Variants in MYRIP observed in about 807,000 individuals in gnomAD.
MYRIP encodes myosin VIIA and Rab interacting protein, also known as rab effector MyRIP.
Under a neutral mutation model 98.0 loss-of-function variants are expected in MYRIP, and 49 were observed. The ratio of observed to expected loss-of-function variants is 0.50; its 90% confidence interval spans 0.40 to 0.63. The LOEUF is 0.63. MYRIP is among the 30% of genes least tolerant of loss of function. The probability of loss-of-function intolerance (pLI) is 0.00; values close to 1 mark genes in which losing one functional copy is unlikely to be tolerated. For synonymous variants in MYRIP, 404 were observed against 409.5 expected (o/e 0.99, Z 0.16); for missense variants, 1,004 against 1,058.2 (o/e 0.95, Z 0.71).
intron 1 of MYRIP, among the ~76,000 whole-genome samples, chr3:39,832,175 C>T (rs1460041007): frequency 2.0e-5 from 3 of 152,156 alleles, no homozygotes; most frequent in South Asian, 4.1e-4. Context: ...TTAGTGTTTC[C>T]TTTCTGAATA....
chr3:39,839,542 G>A (rs1236244649), intron 1 of MYRIP, among the ~76,000 whole-genome samples: 1 of 152,112 alleles, frequency 6.6e-6, no homozygotes, highest in Admixed American at 6.5e-5. Context: ...ACAAGCATGG[G>A]CCACCGCGCC....
rs1331859651 is a variant in MYRIP, at chr3:40,218,601, ATATATATATTT to A, written c.1905+8518_1905+8528del. 5.2e-3 allele frequency among the ~76,000 whole-genome samples: 82 copies of A among 15,750 alleles called. 2 individuals carry two copies. The highest frequency in any genetic ancestry group is 0.056 in the Middle Eastern group (1 of 18). 10.3% of individuals were successfully genotyped at this position (15,750 alleles called of 152,430 possible). On this transcript the variant is annotated intron_variant, in intron 11 of 16. Coordinates refer to ENST00000302541, the MANE Select transcript of MYRIP (RefSeq NM_015460.4). ...CATTTACACACACACACACACACAT[ATATATATATTT>A]TATATATATATATATATATATATAT...
intron 3 of MYRIP, among the ~76,000 whole-genome samples, chr3:40,082,197 A>G (rs991891900): frequency 6.6e-6 from 1 of 152,238 alleles, no homozygotes; most frequent in Non-Finnish European, 1.5e-5. Flanking sequence ...AGGTTTCTCA[A>G]AAAAACTAAA....
chr3:39,996,916 C>T (rs943415034), intron 2 of MYRIP, among the ~76,000 whole-genome samples: 1 of 152,194 alleles, frequency 6.6e-6, no homozygotes, highest in African/African-American at 2.4e-5. Context: ...AACTGAACAA[C>T]CTGCTCCTGA....
intron 3 of MYRIP, among the ~76,000 whole-genome samples, chr3:40,049,786 G>A (rs1162698094): frequency 6.6e-6 from 1 of 152,160 alleles, no homozygotes; most frequent in Non-Finnish European, 1.5e-5. Context: ...AAAAGCTCTT[G>A]AAGGAAGTTA....
chr3:40,208,480 T>A (rs1277332804), intron 10 of MYRIP, among the ~76,000 whole-genome samples: 3 of 152,198 alleles, frequency 2.0e-5, no homozygotes, highest in Non-Finnish European at 4.4e-5. Flanking sequence ...ACACTCTCTA[T>A]GTCTTCCTGG....
chr3:40,000,078 A>T (rs1946479437), intron 2 of MYRIP, among the ~76,000 whole-genome samples: 1 of 151,570 alleles, frequency 6.6e-6, no homozygotes, highest in Non-Finnish European at 1.5e-5. Context: ...CTAATGTTAA[A>T]TGACGAGTTA....
At chr3:39,952,573 G>T (rs564180478) in intron 2 of MYRIP, among the ~76,000 whole-genome samples, 1 of 152,102 alleles carries the variant, frequency 6.6e-6, no homozygotes, top group Non-Finnish European at 1.5e-5. Context: ...GATATTTTGT[G>T]TCTATATTCC....
chr3:40,235,168 C>T (rs1214845772), intron 12 of MYRIP, among the ~76,000 whole-genome samples: 1 of 152,152 alleles, frequency 6.6e-6, no homozygotes, highest in Non-Finnish European at 1.5e-5. Flanking sequence ...GACTCTACTG[C>T]ATTACCTTAT....
At chr3:40,036,154 A>G (rs1947377918) in intron 2 of MYRIP, among the ~76,000 whole-genome samples, 2 of 151,874 alleles carry the variant, frequency 1.3e-5, no homozygotes. Context: ...AAATGAATGC[A>G]AACAAATCCA....
intron 1 of MYRIP, among the ~76,000 whole-genome samples, chr3:39,875,828 G>T (rs879365346): frequency 6.6e-6 from 1 of 151,936 alleles, no homozygotes; most frequent in Non-Finnish European, 1.5e-5. Flanking sequence ...TTGATTTGGG[G>T]TGGAGAGTTC....
At position 40,011,611 on chromosome 3, in the gene MYRIP, G is replaced by A. The variant is rs139073742; in HGVS notation, c.111-32439G>A. Among the ~76,000 whole-genome samples, 187 of 152,246 alleles carry A rather than the reference G, an allele frequency of 1.2e-3. No individual in the cohort carries two copies. In the Middle Eastern group the frequency reaches 0.014, roughly 11 times the overall value. On this transcript the variant is annotated intron_variant, in intron 2 of 16. Coordinates refer to ENST00000302541, the MANE Select transcript of MYRIP (RefSeq NM_015460.4). ...TAGACACCTGCCTTGTTGTGATTAA[G>A]CTCACACAAAGCACTACAGCAGCTG... is the stretch of plus-strand genomic sequence containing the variant.
chr3:40,006,926 T>A (rs1420498240), intron 2 of MYRIP, among the ~76,000 whole-genome samples: 1 of 152,096 alleles, frequency 6.6e-6, no homozygotes, highest in African/African-American at 2.4e-5. Context: ...AGTGGCACAA[T>A]CATGGGACCA....
intron 16 of MYRIP, 111 bp downstream of exon 16, chr3:40,252,110 C>G: frequency 2.5e-6 from 2 of 811,166 alleles, no homozygotes; most frequent in Non-Finnish European, 4.0e-6. Context: ...AAGTATCCTT[C>G]CTCCGTGGTC....
At chr3:39,978,822 G>GA (rs1036690831) in intron 2 of MYRIP, among the ~76,000 whole-genome samples, 3 of 135,050 alleles carry the variant, frequency 2.2e-5, no homozygotes, top group Non-Finnish European at 4.9e-5. Flanking sequence ...ACTGGACTTT[G>GA]TTTTTTTTTT....
At chr3:40,213,901 G>A (rs1271173855) in intron 11 of MYRIP, among the ~76,000 whole-genome samples, 1 of 152,134 alleles carries the variant, frequency 6.6e-6, no homozygotes, top group Non-Finnish European at 1.5e-5. Flanking sequence ...GCTTTGCTTC[G>A]GTTGGGATGG....
At chr3:40,189,098 A>G (rs930899840) in intron 9 of MYRIP, among the ~76,000 whole-genome samples, 13 of 152,302 alleles carry the variant, frequency 8.5e-5, no homozygotes, top group African/African-American at 3.1e-4. Flanking sequence ...CCGTGGCACA[A>G]TCTATAGCCC....
At chr3:40,186,388 G>T (rs974156655) in intron 9 of MYRIP, among the ~76,000 whole-genome samples, 1 of 152,178 alleles carries the variant, frequency 6.6e-6, no homozygotes, top group Non-Finnish European at 1.5e-5. Flanking sequence ...AAAACACACA[G>T]GGAGGGGAGT....
At chr3:39,931,748 G>T (rs1273408945) in intron 2 of MYRIP, among the ~76,000 whole-genome samples, 1 of 152,006 alleles carries the variant, frequency 6.6e-6, no homozygotes, top group Non-Finnish European at 1.5e-5. Flanking sequence ...TATTTTTTCT[G>T]CATCTATTGA....
Sources: allele counts gnomAD v4.1 joint callset (sites outside exome capture counted in the v4.1 genomes callset), GRCh38; gene constraint gnomAD v4.1.1; transcripts MANE v1.5; gene names NCBI Gene and HGNC (gene_info 2026-07-23, HGNC 2026-07-21).